The following ANKRD13B variants were observed in gnomAD, a reference collection of about 807,000 sequenced individuals.
ANKRD13B encodes the protein ankyrin repeat domain-containing protein 13B.
Under a neutral mutation model 74.4 loss-of-function variants are expected in ANKRD13B, and 33 were observed. That is an observed-to-expected ratio of 0.44 (90% CI 0.34 to 0.59). ANKRD13B has a LOEUF of 0.59. Among genes scored for constraint, ANKRD13B ranks in the 20% least tolerant of loss-of-function variants. ANKRD13B has a pLI of 0.02. For synonymous variants in ANKRD13B, 341 were observed against 362.9 expected (o/e 0.94, Z 0.68); for missense variants, 676 against 877.9 (o/e 0.77, Z 2.91).
rs1425075684 is a variant in ANKRD13B, at chr17:29,613,646, A to C, written c.*64A>C. 8.0e-6 allele frequency: 11 copies of C among 1,373,680 alleles called. No individual in the cohort carries two copies. The highest frequency in any genetic ancestry group is 1.0e-5 in the Non-Finnish European group (11 of 1,067,698). The allele number at this position is 1,373,680 out of a possible 1,614,324, so 85.1% of individuals were successfully genotyped here. A position where few individuals can be genotyped will look rare whatever the true frequency, so the allele number is the denominator to read the frequency against. On this transcript the variant is annotated 3_prime_UTR_variant, in exon 15 of 15. Transcript: ENST00000394859. The stretch of plus-strand genomic sequence containing the variant: ...ACGCCCAGGGCCAGGAGCCAGACAA[A>C]CCCCGGCCTGCGCGCCTGCAGAGCG...
In ANKRD13B at chr17:29,612,184, T is replaced by C. The variant is rs2034601293; in HGVS notation, c.1169T>C (p.Ile390Thr). 1.9e-6 allele frequency: 3 copies of C among 1,614,160 alleles called. No homozygotes were observed. The East Asian group carries it at 6.7e-5, about 36-fold the overall frequency. ...LSLCEQVAPI[I>T]DLMAVSNALF... is the part of the protein sequence containing the mutation. ...CTGTGTGAGCAGGTGGCCCCCATCA[T>C]TGACCTCATGGCCGTCAGCAATGCG... Residue 390 changes from isoleucine (I) to threonine (T), a missense_variant, in exon 11 of 15, where the codon ATT becomes ACT. Ile to Thr is a moderately conservative substitution (Grantham distance 89, BLOSUM62 -1). Coordinates refer to ENST00000394859, the MANE Select transcript of ANKRD13B (RefSeq NM_152345.5). This position sits in a 1 kb window ranked among gnomAD's most constrained non-coding sequence, Gnocchi z 6.1.
Position 29,611,197 on chromosome 17 carries a change from C to T in ANKRD13B, c.905-382C>T, listed in dbSNP as rs2034567664. 6.6e-6 allele frequency among the ~76,000 whole-genome samples: 1 copy of T among 152,172 alleles called. No individual in the cohort carries two copies. The highest frequency in any genetic ancestry group is 2.4e-5 in the African/African-American group (1 of 41,428). On this transcript the variant is annotated intron_variant, in intron 8 of 14. Transcript: ENST00000394859. The surrounding 1 kb of genome is among the most constrained non-coding windows in gnomAD (Gnocchi z 4.3). ...CGAGGTGAAAAAGCATAATTTCTAC[C>T]TCACAGGGGAACAACATGAAATCAT...
Position 29,608,930 on chromosome 17 carries a change from A to T in ANKRD13B, c.501A>T (p.Thr167=). ...GCCAGAACCTGAGGGTAGACACCAC[A>T]CTCCTGGGCTTTGACCACATGACCT... The part of the protein sequence containing the change: ...KSGQNLRVDT[T]LLGFDHMTWQ... The change falls in exon 5 of 15, where the codon ACA becomes ACT. Residue 167 remains threonine (T), a synonymous_variant. Transcript: ENST00000394859. The surrounding 1 kb of genome is among the most constrained non-coding windows in gnomAD (Gnocchi z 6.4). 1.2e-6 allele frequency: 2 copies of T among 1,613,670 alleles called. No individual in the cohort carries two copies. Among genetic ancestry groups the T allele is most frequent in the Non-Finnish European group, 1.7e-6 (2 of 1,179,928 alleles).
chr17:29,597,647 A>T lies in ANKRD13B; in HGVS notation c.114+3912A>T, dbSNP rs546545231. On this transcript the variant is annotated intron_variant, in intron 1 of 14. Coordinates refer to ENST00000394859, the MANE Select transcript of ANKRD13B (RefSeq NM_152345.5). ...GAGGCCTCTGCTGAGGAGAAGCTGG[A>T]GGCCTCTGCTGAGGAGATTAATGAA... 2.6e-4 allele frequency among the ~76,000 whole-genome samples: 39 copies of T among 152,246 alleles called. 1 individual carries two copies. In the South Asian group the frequency reaches 7.7e-3, roughly 30 times the overall value.
chr17:29,595,005 C>G (rs959520423), intron 1 of ANKRD13B, among the ~76,000 whole-genome samples: 1 of 152,206 alleles, frequency 6.6e-6, no homozygotes, highest in Non-Finnish European at 1.5e-5. Flanking sequence ...GACCTGTGCC[C>G]GCAGGCCTCT....
Position 29,612,094 on chromosome 17 carries a change from C to T in ANKRD13B, c.1101-22C>T, listed in dbSNP as rs2034599365. 2 of 1,612,658 alleles carry T rather than the reference C, an allele frequency of 1.2e-6. No homozygotes were observed. The highest frequency in any genetic ancestry group is 1.7e-6 in the Non-Finnish European group (2 of 1,179,032). On this transcript the variant is annotated intron_variant, in intron 10 of 14. Coordinates refer to ENST00000394859, the MANE Select transcript of ANKRD13B (RefSeq NM_152345.5). The surrounding 1 kb of genome is among the most constrained non-coding windows in gnomAD (Gnocchi z 6.1). ...ATGGCTTCCTGCAGTGTCCCTTACC[C>T]CTTGGGATCTGGTGGGGGCAGGTTC... is the stretch of plus-strand genomic sequence containing the variant.
At position 29,609,148 on chromosome 17, in the gene ANKRD13B, G is replaced by A. The variant is rs1258072072; in HGVS notation, c.628G>A (p.Ala210Thr). 6.2e-7 allele frequency: 1 copy of A among 1,612,408 alleles called. No homozygotes were observed. Among genetic ancestry groups the A allele is most frequent in the Non-Finnish European group, 8.5e-7 (1 of 1,180,046 alleles). Residue 210 changes from alanine (A) to threonine (T), a missense_variant, in exon 6 of 15, where the codon GCA becomes ACA. Transcript: ENST00000394859. This position sits in a 1 kb window ranked among gnomAD's most constrained non-coding sequence, Gnocchi z 4.0. ...DRRVVYTETL[A>T]LAGQDRELLL... is the part of the protein sequence containing the mutation. ...CCGGGTGGTGTACACAGAGACTCTGGCACTGGCTGGGCAGGACCGGGAGCT... is the reference window on the plus strand; with the variant it reads ...CCGGGTGGTGTACACAGAGACTCTGACACTGGCTGGGCAGGACCGGGAGCT...
At chr17:29,597,993 C>CG (rs1555578679) in intron 1 of ANKRD13B, among the ~76,000 whole-genome samples, 2 of 151,844 alleles carry the variant, frequency 1.3e-5, no homozygotes, top group East Asian at 3.9e-4. Context: ...GCAGCGGCTG[C>CG]GGCTGCAGCA....
rs1237954404 is a variant in ANKRD13B, at chr17:29,614,703, C to G, written c.*1121C>G. 1 of 152,578 alleles carries G rather than the reference C, an allele frequency of 6.6e-6. No homozygotes were observed. The highest frequency in any genetic ancestry group is 1.5e-5 in the Non-Finnish European group (1 of 68,068). The allele number at this position is 152,578 out of a possible 1,614,324, so 9.5% of individuals were successfully genotyped here. On this transcript the variant is annotated 3_prime_UTR_variant, in exon 15 of 15. Coordinates refer to ENST00000394859, the MANE Select transcript of ANKRD13B (RefSeq NM_152345.5). ...GAAACTGTTCCTCCCACCCCCTTCC[C>G]TGATGCCAGGGGCACCAGACTGATT... is the stretch of plus-strand genomic sequence containing the variant.
At chr17:29,602,907 A>T (rs2034233534) in intron 1 of ANKRD13B, among the ~76,000 whole-genome samples, 1 of 152,216 alleles carries the variant, frequency 6.6e-6, no homozygotes, top group Non-Finnish European at 1.5e-5. Flanking sequence ...GCTGGAGTGC[A>T]GTGACACGAT....
Position 29,610,753 on chromosome 17 carries a change from G to A in ANKRD13B, c.891G>A (p.Lys297=), listed in dbSNP as rs35244918. Residue 297 remains lysine, a synonymous_variant, in exon 8 of 15, where the codon AAG becomes AAA. Transcript: ENST00000394859. ...CAGAACATCTTTCAGAACAGCACAA[G>A]GGCAAGGTCAAAGGTAATGAGGCAG... ...TRTEHLSEQH[K]GKVKGCKTPL... is the part of the protein sequence containing the mutation. The A allele has an allele frequency of 7.1e-4, 1,150 of 1,613,946 alleles. 8 individuals are homozygous for A. The African/African-American group carries it at 0.013, about 18-fold the overall frequency.
At chr17:29,598,667 G>C (rs1418966340) in intron 1 of ANKRD13B, among the ~76,000 whole-genome samples, 2 of 151,954 alleles carry the variant, frequency 1.3e-5, no homozygotes, top group African/African-American at 2.4e-5. Context: ...TCCCATCTCA[G>C]CCTCCCAAGG....
chr17:29,609,020 G>A lies in ANKRD13B; in HGVS notation c.565+26G>A, dbSNP rs2150897468. 3.7e-6 allele frequency: 6 copies of A among 1,613,816 alleles called. No individual in the cohort carries two copies. The highest frequency in any genetic ancestry group is 2.2e-5 in the East Asian group (1 of 44,884). The stretch of plus-strand genomic sequence containing the variant: ...GTCAGGCAGGCAGGAAGTGGGGCAG[G>A]GTGGGGACGATGGGAGGCAGCCCCA... On this transcript the variant is annotated intron_variant, in intron 5 of 14. Transcript: ENST00000394859. The surrounding 1 kb of genome is among the most constrained non-coding windows in gnomAD (Gnocchi z 4.0).
At position 29,612,645 on chromosome 17, in the gene ANKRD13B, C is replaced by A; in HGVS notation, c.1412-7C>A. 1 of 1,536,780 alleles carries A rather than the reference C, an allele frequency of 6.5e-7. No homozygotes were observed. Among genetic ancestry groups the A allele is most frequent in the Non-Finnish European group, 8.7e-7 (1 of 1,147,404 alleles). ...GGCCGTGCCTGACCCAGCCCCCGCGCCCCCAGCCTCCTGCCGCGGCTGCGA... is the reference window on the plus strand; with the variant it reads ...GGCCGTGCCTGACCCAGCCCCCGCGACCCCAGCCTCCTGCCGCGGCTGCGA... On this transcript the variant is annotated splice_region_variant and splice_polypyrimidine_tract_variant and intron_variant, in intron 12 of 14. Transcript: ENST00000394859. The surrounding 1 kb of genome is among the most constrained non-coding windows in gnomAD (Gnocchi z 6.1).
In ANKRD13B at chr17:29,600,001, C is replaced by T. The variant is rs551070741; in HGVS notation, c.114+6266C>T. Among the ~76,000 whole-genome samples the T allele has an allele frequency of 2.9e-4, 44 of 151,558 alleles. 1 individual carries two copies. Among genetic ancestry groups the T allele is most frequent in the Admixed American group, 4.6e-4 (7 of 15,236 alleles). Reference sequence around the variant, plus strand: ...ACACCATTCTCCTGCCTCAGCCTCCCGAGTAGCTGTGACTACAGGCGCCCG... The same window carrying T: ...ACACCATTCTCCTGCCTCAGCCTCCTGAGTAGCTGTGACTACAGGCGCCCG... On this transcript the variant is annotated intron_variant, in intron 1 of 14. Coordinates refer to ENST00000394859, the MANE Select transcript of ANKRD13B (RefSeq NM_152345.5).
Position 29,612,628 on chromosome 17 carries a change from C to A in ANKRD13B, c.1412-24C>A. ...GTGGGAGGGGCGCGCCCGGCCGTGCCTGACCCAGCCCCCGCGCCCCCAGCC... is the reference window on the plus strand; with the variant it reads ...GTGGGAGGGGCGCGCCCGGCCGTGCATGACCCAGCCCCCGCGCCCCCAGCC... On this transcript the variant is annotated intron_variant, in intron 12 of 14. Transcript: ENST00000394859. The surrounding 1 kb of genome is among the most constrained non-coding windows in gnomAD (Gnocchi z 6.1). 6.5e-7 allele frequency: 1 copy of A among 1,527,332 alleles called. No homozygotes were observed. Among genetic ancestry groups the A allele is most frequent in the Non-Finnish European group, 8.8e-7 (1 of 1,141,068 alleles). 94.6% of individuals were successfully genotyped at this position (1,527,332 alleles called of 1,614,324 possible).
Position 29,608,783 on chromosome 17 carries a change from G to T in ANKRD13B, c.422-68G>T. 2 of 1,595,306 alleles carry T rather than the reference G, an allele frequency of 1.3e-6. No individual in the cohort carries two copies. The highest frequency in any genetic ancestry group is 1.7e-6 in the Non-Finnish European group (2 of 1,168,424). On this transcript the variant is annotated intron_variant, in intron 4 of 14. Transcript: ENST00000394859. This position sits in a 1 kb window ranked among gnomAD's most constrained non-coding sequence, Gnocchi z 6.4. ...TGGCCACACGGATCCCAAACCCCAT[G>T]CCCTGAGCTGGTCCAGGCCGTGTAG...
chr17:29,599,866 T>G (rs1030587535), intron 1 of ANKRD13B, among the ~76,000 whole-genome samples: 1 of 60,204 alleles, frequency 1.7e-5, no homozygotes, highest in Non-Finnish European at 3.1e-5. Flanking sequence ...ATCTAATTTG[T>G]TTTTTTTTTT....
rs1282766822 is a variant in ANKRD13B at position 29,613,342 on chromosome 17, C to T, written c.1653-12C>T. The T allele has an allele frequency of 7.7e-6, 11 of 1,426,838 alleles. No homozygotes were observed. The highest frequency in any genetic ancestry group is 2.9e-5 in the East Asian group (1 of 34,060). The allele number at this position is 1,426,838 out of a possible 1,614,324, so 88.4% of individuals were successfully genotyped here. A position where few individuals can be genotyped will look rare whatever the true frequency, so the allele number is the denominator to read the frequency against. On this transcript the variant is annotated splice_polypyrimidine_tract_variant and intron_variant, in intron 14 of 14. Coordinates refer to ENST00000394859, the MANE Select transcript of ANKRD13B (RefSeq NM_152345.5). Reference sequence around the variant, plus strand: ...CGCCCGGGAGCCCGCGACATTCCTTCCCCACCCCCAGGAGCGCCCCGCCCA... The same window carrying T: ...CGCCCGGGAGCCCGCGACATTCCTTTCCCACCCCCAGGAGCGCCCCGCCCA...
Sources: gnomAD v4.1 joint callset for allele counts (sites outside exome capture counted in the v4.1 genomes callset) on GRCh38, gnomAD v4.1.1 for gene constraint, Gnocchi (gnomAD v3.1) non-coding constraint, MANE v1.5 for transcripts, NCBI Gene and HGNC (gene_info 2026-07-23, HGNC 2026-07-21) for gene names.